ATP9B: variants seen among roughly 807,000 people sequenced by gnomAD.
The protein encoded by ATP9B is ATPase phospholipid transporting 9B, also known as probable phospholipid-transporting ATPase IIB.
ATP9B carries 110 observed loss-of-function variants against 146.1 expected under a neutral mutation model. The ratio of observed to expected loss-of-function variants is 0.75; its 90% CI spans 0.65 to 0.88. ATP9B has a LOEUF of 0.88. Ranked by LOEUF, ATP9B falls within the 40% of genes least tolerant of loss-of-function variation. The pLI is 0.00. For missense variants in ATP9B, 1,499 were observed against 1,496.4 expected (o/e 1.00, Z -0.03); for synonymous variants, 604 against 569.7 (o/e 1.06, Z -0.86).
At chr18:79,361,832 C>A in intron 26 of ATP9B, 1 of 984,618 alleles carries the variant, frequency 1.0e-6, no homozygotes, top group South Asian at 4.7e-5. Context: ...TTATCCACAC[C>A]GGTCAGTGTC....
chr18:79,113,623 G>A (rs1056305070), intron 4 of ATP9B, among the ~76,000 whole-genome samples: 1 of 152,200 alleles, frequency 6.6e-6, no homozygotes, highest in Non-Finnish European at 1.5e-5. Flanking sequence ...TTCTGCACCT[G>A]TGTTAAGGTT....
chr18:79,130,677 GA>G (rs1247025013), intron 5 of ATP9B, among the ~76,000 whole-genome samples: 1 of 152,142 alleles, frequency 6.6e-6, no homozygotes, highest in Non-Finnish European at 1.5e-5. Flanking sequence ...GACACCCACA[GA>G]CCAAGAGGAC....
chr18:79,143,974 A>C, intron 6 of ATP9B, 114 bp downstream of exon 6: 1 of 588,598 alleles, frequency 1.7e-6, no homozygotes, highest in Admixed American at 3.0e-5. Context: ...TTGAATCATA[A>C]TATCCTTGTG....
At chr18:79,104,764 T>C (rs2075540255) in intron 2 of ATP9B, among the ~76,000 whole-genome samples, 1 of 152,054 alleles carries the variant, frequency 6.6e-6, no homozygotes, top group African/African-American at 2.4e-5. Flanking sequence ...TTTTTTCTTT[T>C]TGAGACAGGC....
intron 1 of ATP9B, among the ~76,000 whole-genome samples, chr18:79,071,361 A>G (rs1212612371): frequency 1.6e-5 from 2 of 124,212 alleles, no homozygotes; most frequent in Non-Finnish European, 1.8e-5. Context: ...TATTGCATAT[A>G]CCACATACGC....
chr18:79,312,985 G>A (rs1055075260), intron 15 of ATP9B, among the ~76,000 whole-genome samples: 3 of 152,146 alleles, frequency 2.0e-5, no homozygotes, highest in African/African-American at 7.2e-5. Flanking sequence ...CAACTTTGAG[G>A]AAATGTGGAA....
chr18:79,143,695 G>GTT, intron 5 of ATP9B, 107 bp from the exon 6 acceptor site: 14 of 666,546 alleles, frequency 2.1e-5, no homozygotes, highest in Non-Finnish European at 3.1e-5. Flanking sequence ...AATTTCTAAA[G>GTT]TTTTTTTTTC....
In ATP9B at chr18:79,337,342, G is replaced by A. The variant is rs1357235990; in HGVS notation, c.2176G>A (p.Glu726Lys). 3 of 1,614,110 alleles carry A rather than the reference G, an allele frequency of 1.9e-6. No homozygotes were observed. Among genetic ancestry groups the A allele is most frequent in the Non-Finnish European group, 2.5e-6 (3 of 1,180,030 alleles). Residue 726 changes from glutamate (E) to lysine (K), a missense_variant, in exon 19 of 30, where the codon GAG (glutamate) becomes AAG (lysine). Coordinates refer to ENST00000426216, the MANE Select transcript of ATP9B (RefSeq NM_198531.5). The stretch of plus-strand genomic sequence containing the variant: ...GTCCCTCAAGGTGGCCGCGGTAGTC[G>A]AGAGCCTGGAGAGGGAGATGGAACT... ...DRSLKVAAVV[E>K]SLEREMELLC...
At chr18:79,245,516 G>C (rs184363374) in intron 11 of ATP9B, among the ~76,000 whole-genome samples, 7 of 144,060 alleles carry the variant, frequency 4.9e-5, no homozygotes, top group African/African-American at 1.6e-4. Flanking sequence ...CTGAAACTTC[G>C]AAAAGCCTTA....
chr18:79,132,652 T>C (rs1200292274), intron 5 of ATP9B, among the ~76,000 whole-genome samples: 1 of 152,234 alleles, frequency 6.6e-6, no homozygotes, highest in Non-Finnish European at 1.5e-5. Flanking sequence ...AAATTTACTT[T>C]TTTATTAAGA....
At chr18:79,376,199 ACACACACACAC>A (rs2097101206) in intron 29 of ATP9B, 2 of 970,202 alleles carry the variant, frequency 2.1e-6, no homozygotes, top group East Asian at 1.2e-4. Context: ...ACACACACAC[ACACACACACAC>A]ACACAAAACA....
chr18:79,189,905 A>G (rs942030455), intron 8 of ATP9B, among the ~76,000 whole-genome samples: 2 of 152,248 alleles, frequency 1.3e-5, no homozygotes, highest in African/African-American at 2.4e-5. Flanking sequence ...TATTACGCCA[A>G]ACACGATGGA....
chr18:79,084,738 A>G (rs1417524517), intron 1 of ATP9B, among the ~76,000 whole-genome samples: 1 of 152,200 alleles, frequency 6.6e-6, no homozygotes, highest in Non-Finnish European at 1.5e-5. Flanking sequence ...TCTTATGTAT[A>G]AATAATTGTA....
intron 8 of ATP9B, among the ~76,000 whole-genome samples, chr18:79,189,962 G>A (rs922017882): frequency 5.3e-5 from 8 of 152,206 alleles, no homozygotes; most frequent in Non-Finnish European, 1.2e-4. Context: ...TGATGCACAG[G>A]GTCCTGGAGC....
At chr18:79,100,093 C>G (rs747579873) in intron 2 of ATP9B, among the ~76,000 whole-genome samples, 1 of 152,204 alleles carries the variant, frequency 6.6e-6, no homozygotes, top group Non-Finnish European at 1.5e-5. Flanking sequence ...TGCCACTGCA[C>G]TCCAGCCTGG....
intron 11 of ATP9B, among the ~76,000 whole-genome samples, chr18:79,219,666 T>C (rs2095659915): frequency 6.6e-6 from 1 of 152,194 alleles, no homozygotes; most frequent in African/African-American, 2.4e-5. Context: ...CCCTCTTCTC[T>C]TTCTTTCTCC....
intron 15 of ATP9B, among the ~76,000 whole-genome samples, chr18:79,311,484 A>G (rs1347303317): frequency 6.6e-6 from 1 of 152,220 alleles, no homozygotes; most frequent in Non-Finnish European, 1.5e-5. Context: ...GATTCATGGT[A>G]TTCGACAAAG....
At chr18:79,143,979 C>T (rs1250389807) in intron 6 of ATP9B, 119 bp downstream of exon 6, 2 of 568,184 alleles carry the variant, frequency 3.5e-6, no homozygotes, top group Non-Finnish European at 5.9e-6. Context: ...TCATAATATC[C>T]TTGTGTAAGA....
chr18:79,361,766 C>G (rs919739819), intron 26 of ATP9B: 2 of 985,310 alleles, frequency 2.0e-6, no homozygotes, highest in African/African-American at 3.5e-5. Context: ...GACTGCAGCA[C>G]TCTGCGTTGT....
Sources: gnomAD v4.1 joint callset for allele counts (sites outside exome capture counted in the v4.1 genomes callset) on GRCh38, gnomAD v4.1.1 for gene constraint, MANE v1.5 for transcripts, NCBI Gene and HGNC (gene_info 2026-07-23, HGNC 2026-07-21) for gene names.